The following SPOCD1 variants were observed in gnomAD, a reference collection of about 807,000 sequenced individuals.
SPOCD1 encodes SPOC domain-containing protein 1.
Under a neutral mutation model 92.2 loss-of-function variants are expected in SPOCD1, and 64 were observed. The observed-to-expected ratio is 0.69, with a 90% CI of 0.57 to 0.86. The LOEUF is 0.86. SPOCD1 is among the 40% of genes least tolerant of loss of function. The probability of loss-of-function intolerance (pLI) is 0.00; values close to 1 mark genes in which losing one functional copy is unlikely to be tolerated. For synonymous variants in SPOCD1, 578 were observed against 619.3 expected (o/e 0.93, Z 0.99); for missense variants, 1,360 against 1,543.1 (o/e 0.88, Z 1.99).
intron 2 of SPOCD1, among the ~76,000 whole-genome samples, chr1:31,802,897 T>C (rs1425619932): frequency 6.6e-6 from 1 of 151,712 alleles, no homozygotes; most frequent in East Asian, 1.9e-4. Flanking sequence ...AGGCTGCCAG[T>C]AGGGAAGCAA....
chr1:31,793,842 C>A lies in SPOCD1; in HGVS notation c.2439G>T (p.Gly813=). The change falls in exon 12 of 16, where the codon GGG becomes GGT. Residue 813 remains glycine (G), a synonymous_variant. Transcript: ENST00000360482. ...LGSFEAAKSC[G]DNIFQKALSQ... Reference sequence around the variant, plus strand: ...TTAGGGCTTTCTGGAAGATATTGTCCCCGCAGCTCTTGGCGGCTTCGAAGG... The same window carrying A: ...TTAGGGCTTTCTGGAAGATATTGTCACCGCAGCTCTTGGCGGCTTCGAAGG... 6.2e-7 allele frequency: 1 copy of A among 1,614,150 alleles called. No individual in the cohort carries two copies. Among genetic ancestry groups the A allele is most frequent in the African/African-American group, 1.3e-5 (1 of 75,036 alleles).
intron 15 of SPOCD1, among the ~76,000 whole-genome samples, chr1:31,791,609 G>A (rs973852703): frequency 6.6e-6 from 1 of 152,224 alleles, no homozygotes; most frequent in African/African-American, 2.4e-5. Flanking sequence ...CCTGAGCCAC[G>A]CCGTGGAGGG....
chr1:31,798,627 G>A lies in SPOCD1; in HGVS notation c.1869-26C>T, dbSNP rs772973689. The stretch of plus-strand genomic sequence containing the variant: ...CTGTGGAGGCCAGGGCAGGGCGGGG[G>A]CACTGAGCCCAGGAGGCTCTCCAGG... On this transcript the variant is annotated intron_variant, in intron 7 of 15. Coordinates refer to ENST00000360482, the MANE Select transcript of SPOCD1 (RefSeq NM_144569.7). This position sits in a 1 kb window ranked among gnomAD's most constrained non-coding sequence, Gnocchi z 4.1. 3.5e-5 allele frequency: 56 copies of A among 1,605,984 alleles called. No individual in the cohort carries two copies. In the Admixed American group the frequency reaches 8.3e-4, roughly 24 times the overall value.
intron 2 of SPOCD1, 98 bp from the exon 3 acceptor site, chr1:31,801,803 T>TGTGTTCA: frequency 9.9e-7 from 1 of 1,011,828 alleles, no homozygotes; most frequent in South Asian, 1.3e-5. Flanking sequence ...TGAAAGGGTG[T>TGTGTTCA]GTGTTCAGTG....
chr1:31,814,605 A>G lies in SPOCD1; in HGVS notation c.729T>C (p.Pro243=). The G allele has an allele frequency of 6.5e-7, 1 of 1,528,404 alleles. No individual in the cohort carries two copies. The highest frequency in any genetic ancestry group is 8.8e-7 in the Non-Finnish European group (1 of 1,138,282). 94.7% of individuals were successfully genotyped at this position (1,528,404 alleles called of 1,614,324 possible). A position where few individuals can be genotyped will look rare whatever the true frequency, so the allele number is the denominator to read the frequency against. Residue 243 remains proline (P), a synonymous_variant, in exon 2 of 16, where the codon CCT becomes CCC. Transcript: ENST00000360482. The surrounding 1 kb of genome is among the most constrained non-coding windows in gnomAD (Gnocchi z 4.2). ...AGGACTCCAGGTCAGCAACTTGGGG[A>G]GGGTCTCCCACAGACAGGAGGTTGT... ...RGDNLLSVGD[P]PQVADLESLG... is the part of the protein sequence containing the mutation.
intron 2 of SPOCD1, among the ~76,000 whole-genome samples, chr1:31,812,573 T>G (rs1022463352): frequency 7.9e-5 from 12 of 152,240 alleles, no homozygotes; most frequent in African/African-American, 2.9e-4. Flanking sequence ...GGTTCTATTT[T>G]ACTAATTGGC....
chr1:31,793,594 T>C (rs745847283), intron 12 of SPOCD1, 153 bp downstream of exon 12: 6 of 1,499,436 alleles, frequency 4.0e-6, no homozygotes, highest in Non-Finnish European at 5.5e-6. Flanking sequence ...GATGATTAGT[T>C]CCATTGCACA....
chr1:31,811,918 A>G (rs921223710), intron 2 of SPOCD1, among the ~76,000 whole-genome samples: 1 of 152,194 alleles, frequency 6.6e-6, no homozygotes, highest in Non-Finnish European at 1.5e-5. Flanking sequence ...ACCGCACTCA[A>G]ACCAGCCCCC....
In SPOCD1 at chr1:31,790,668, G is replaced by A. The variant is rs902244790; in HGVS notation, c.3586C>T (p.Arg1196Cys). The A allele has an allele frequency of 2.3e-5, 35 of 1,551,868 alleles. No individual in the cohort carries two copies. The highest frequency in any genetic ancestry group is 1.7e-4 in the Middle Eastern group (1 of 6,014). The change falls in exon 16 of 16, where the codon CGT becomes TGT. Residue 1196 changes from arginine (R) to cysteine (C), a missense_variant. This residue lies in a region of SPOCD1 where 614 missense variants were observed against 757.8 expected (regional missense o/e 0.81). Coordinates refer to ENST00000360482, the MANE Select transcript of SPOCD1 (RefSeq NM_144569.7). Reference sequence around the variant, plus strand: ...TCTGTAGGCCCCAAAGAGGAGTCACGGGCTGGGCCAGGGGGCTCTGGAGCT... The same window carrying A: ...TCTGTAGGCCCCAAAGAGGAGTCACAGGCTGGGCCAGGGGGCTCTGGAGCT... ...LAAPEPPGPARDSSLGPTDEA... is the reference protein window; with the variant it reads ...LAAPEPPGPACDSSLGPTDEA...
chr1:31,804,864 C>G (rs1648709931), intron 2 of SPOCD1, among the ~76,000 whole-genome samples: 1 of 151,870 alleles, frequency 6.6e-6, no homozygotes, highest in African/African-American at 2.4e-5. Flanking sequence ...AAGGTACGCG[C>G]TTGGAATTAG....
chr1:31,796,091 A>G, intron 10 of SPOCD1: 1 of 243,866 alleles, frequency 4.1e-6, no homozygotes, highest in Non-Finnish European at 8.2e-6. Flanking sequence ...GCCCTAGACT[A>G]TTGTCACTCC....
chr1:31,797,685 G>A (rs1407023396), intron 9 of SPOCD1, among the ~76,000 whole-genome samples: 1 of 152,204 alleles, frequency 6.6e-6, no homozygotes, highest in Non-Finnish European at 1.5e-5. Context: ...ACAAACATGA[G>A]GTGAGCATTC....
Position 31,794,214 on chromosome 1 carries a change from A to G in SPOCD1, c.2293T>C (p.Cys765Arg), listed in dbSNP as rs755441982. ...DLVGPQMFMD[C>R]SPQALPIASE... is the part of the protein sequence containing the mutation. The stretch of plus-strand genomic sequence containing the variant: ...GCGATGGGCAGGGCCTGTGGGCTGC[A>G]GTCCATGAACATCTGCGGTCCCTGG... The change falls in exon 11 of 16, where the codon TGC (cysteine) becomes CGC (arginine). Residue 765 changes from cysteine (C) to arginine (R), a missense_variant. Physicochemically the swap from Cys to Arg is radical, Grantham distance 180. Around this residue, in one of 3 missense-constraint regions of SPOCD1, gnomAD observed 614 missense variants for 757.8 expected, o/e 0.81. Transcript: ENST00000360482. The G allele has an allele frequency of 6.2e-6, 10 of 1,613,812 alleles. No individual in the cohort carries two copies. Among genetic ancestry groups the G allele is most frequent in the Non-Finnish European group, 8.5e-6 (10 of 1,179,778 alleles).
chr1:31,808,538 T>C (rs1455404383), intron 2 of SPOCD1, among the ~76,000 whole-genome samples: 1 of 150,678 alleles, frequency 6.6e-6, no homozygotes, highest in Non-Finnish European at 1.5e-5. Context: ...GAGAAGGGAG[T>C]TTCCTTTACC....
chr1:31,807,392 AGGGGAGGGGAGGGGAGGGGAGGGAG>A (rs1441824184), intron 2 of SPOCD1, among the ~76,000 whole-genome samples: 2 of 122 alleles, frequency 0.016, no homozygotes, highest in Non-Finnish European at 0.038. Context: ...CTGTCTCAAA[AGGGGAGGGGAGGGGAGGGGAGGGAG>A]GGGGAGGGAA....
rs907803547 is a variant in SPOCD1, at chr1:31,790,738, C to G, written c.3516G>C (p.Lys1172Asn). The G allele has an allele frequency of 2.6e-6, 4 of 1,551,936 alleles. No homozygotes were observed. The African/African-American group carries it at 5.5e-5, about 21-fold the overall frequency. ...GCTGCAGAGGGCGGGGGATGGAGCT[C>G]TTGGTCTGGGGGCACAGTAAGGCTT... ...QLQALLCPQT[K>N]SSIPRPLQRL... Residue 1172 changes from lysine to asparagine, a missense_variant, in exon 16 of 16, where the codon AAG (lysine) becomes AAC (asparagine). By Grantham distance (94) the Lys-to-Asn change is moderately conservative. This residue lies in a region of SPOCD1 where 614 missense variants were observed against 757.8 expected (regional missense o/e 0.81). Transcript: ENST00000360482.
chr1:31,790,921 C>T lies in SPOCD1; in HGVS notation c.3333G>A (p.Trp1111Ter). The change falls in exon 16 of 16, where the codon TGG becomes TGA. Residue 1111 changes from tryptophan (W) to a stop codon, truncating the protein, a stop_gained. Coordinates refer to ENST00000360482, the MANE Select transcript of SPOCD1 (RefSeq NM_144569.7). LOFTEE classifies it low-confidence loss of function (END_TRUNC). ...ACTGGCGCAAGCCTGGCTCTGGGGG[C>T]CACTGCCCTCGCCCAGGATGCTGCC... is the stretch of plus-strand genomic sequence containing the variant. ...ENWQHPGRGQ[W>*]PPEPGLRQSQ... 1 of 1,580,496 alleles carries T rather than the reference C, an allele frequency of 6.3e-7. No individual in the cohort carries two copies. The highest frequency in any genetic ancestry group is 8.6e-7 in the Non-Finnish European group (1 of 1,164,204).
chr1:31,814,781 TGA>T lies in SPOCD1; in HGVS notation c.551_552del (p.Leu184GlnfsTer35), dbSNP rs1649444232. On this transcript the variant is annotated frameshift_variant, in exon 2 of 16. Transcript: ENST00000360482. LOFTEE classifies it high-confidence loss of function. The surrounding 1 kb of genome is among the most constrained non-coding windows in gnomAD (Gnocchi z 4.2). ...SPGCDRRSPT[L>X]SKEEPPGRPL... ...GGCCTTCCAGGGGGCTCCTCTTTGC[TGA>T]GTGTGGGGCTTCTTCTGTCACACCC... The T allele has an allele frequency of 6.2e-7, 1 of 1,613,484 alleles. No homozygotes were observed. Among genetic ancestry groups the T allele is most frequent in the Non-Finnish European group, 8.5e-7 (1 of 1,179,816 alleles).
Position 31,815,009 on chromosome 1 carries a change from T to C in SPOCD1, c.325A>G (p.Thr109Ala), listed in dbSNP as rs6664445. The C allele has an allele frequency of 0.68, 1,103,027 of 1,613,530 alleles. 377,612 individuals are homozygous for C. Among genetic ancestry groups the C allele is most frequent in the South Asian group, 0.71 (64,234 of 91,066 alleles). ...TTGGAGGTCAGAGCTCTCCCCTGAG[T>C]AGGCACCGAGGGCAGCTGCATGTGG... Reference protein sequence around the residue: ...GLHMQLPSVPTQGRALTSKRL... With the variant: ...GLHMQLPSVPAQGRALTSKRL... The change falls in exon 2 of 16, where the codon ACT becomes GCT. Residue 109 changes from threonine to alanine, a missense_variant. Thr to Ala is a moderately conservative substitution (Grantham distance 58). Around this residue, in one of 3 missense-constraint regions of SPOCD1, gnomAD observed 140 missense variants for 183.8 expected, o/e 0.76. Coordinates refer to ENST00000360482, the MANE Select transcript of SPOCD1 (RefSeq NM_144569.7).
Sources: gnomAD v4.1 joint callset for allele counts (sites outside exome capture counted in the v4.1 genomes callset) on GRCh38, gnomAD v4.1.1 for gene constraint, gnomAD v4.1.1 regional missense constraint, Gnocchi (gnomAD v3.1) non-coding constraint, MANE v1.5 for transcripts, NCBI Gene and HGNC (gene_info 2026-07-23, HGNC 2026-07-21) for gene names.